Variants in RALGPS1 observed in about 807,000 individuals in gnomAD.
RALGPS1 encodes the protein Ral GEF with PH domain and SH3 binding motif 1, also known as ras-specific guanine nucleotide-releasing factor RalGPS1.
A neutral mutation model predicts 78.8 loss-of-function variants in RALGPS1; 19 were observed. The observed-to-expected ratio is 0.24, with a 90% CI of 0.17 to 0.35. RALGPS1 has a LOEUF of 0.35. Ranked by LOEUF, RALGPS1 falls within the 10% of genes least tolerant of loss-of-function variation. The pLI, the probability that RALGPS1 is intolerant of heterozygous loss-of-function variation, is 1.00. For synonymous variants in RALGPS1, 228 were observed against 256.3 expected (o/e 0.89, Z 1.06); for missense variants, 454 against 688.3 (o/e 0.66, Z 3.81).
chr9:127,211,386 A>T lies in RALGPS1; in HGVS notation c.1248-745A>T, dbSNP rs61567036. 6.6e-6 allele frequency among the ~76,000 whole-genome samples: 1 copy of T among 152,134 alleles called. No homozygotes were observed. Among genetic ancestry groups the T allele is most frequent in the African/African-American group, 2.4e-5 (1 of 41,406 alleles). On this transcript the variant is annotated intron_variant, in intron 14 of 18. Transcript: ENST00000259351. This position sits in a 1 kb window ranked among gnomAD's most constrained non-coding sequence, Gnocchi z 5.0. ...GTCCAGTGGCCTGAGGTGTAGTGGG[A>T]TGGCGAAGATGGATGGTCAGACATA...
chr9:127,123,485 C>G (rs990758002), intron 8 of RALGPS1, among the ~76,000 whole-genome samples: 1 of 152,178 alleles, frequency 6.6e-6, no homozygotes, highest in African/African-American at 2.4e-5. Context: ...TCAAGGACGC[C>G]TCCTTGAACT....
intron 7 of RALGPS1, among the ~76,000 whole-genome samples, chr9:127,064,408 A>G (rs1419152685): frequency 1.3e-5 from 2 of 152,224 alleles, no homozygotes; most frequent in African/African-American, 2.4e-5. Context: ...AACAAACCCT[A>G]TATTTAAAAA....
chr9:126,964,506 G>A (rs1412353265), intron 2 of RALGPS1, among the ~76,000 whole-genome samples: 1 of 152,082 alleles, frequency 6.6e-6, no homozygotes, highest in African/African-American at 2.4e-5. Flanking sequence ...CTGGGAAGTA[G>A]GTTTAATATC....
chr9:127,030,918 A>AC (rs543046009), intron 4 of RALGPS1, among the ~76,000 whole-genome samples: 31 of 152,320 alleles, frequency 2.0e-4, no homozygotes, highest in Middle Eastern at 6.8e-3. Context: ...AGCCTGAGGA[A>AC]CACCCTGGTG....
At chr9:127,210,412 T>TA in intron 14 of RALGPS1, 1 of 470,356 alleles carries the variant, frequency 2.1e-6, no homozygotes, top group Non-Finnish European at 3.9e-6. Context: ...GCCTGGATTT[T>TA]AATCATGCTC....
chr9:126,989,840 A>G (rs1290814966), intron 4 of RALGPS1: 12 of 1,544,168 alleles, frequency 7.8e-6, no homozygotes, highest in Non-Finnish European at 1.0e-5. Context: ...CTGGAGCTCG[A>G]GACCTTGAGC....
At chr9:127,155,705 G>A (rs2058670918) in intron 8 of RALGPS1, among the ~76,000 whole-genome samples, 1 of 152,186 alleles carries the variant, frequency 6.6e-6, no homozygotes, top group Admixed American at 6.5e-5. Context: ...GAGAGCAAAA[G>A]CAGGGAGATG....
At chr9:126,922,946 T>C (rs111683216) in intron 1 of RALGPS1, among the ~76,000 whole-genome samples, 1 of 152,208 alleles carries the variant, frequency 6.6e-6, no homozygotes, top group African/African-American at 2.4e-5. Context: ...TCTAGGGTAA[T>C]TGCTGGATAT....
At chr9:127,177,549 C>G (rs1325071118) in intron 11 of RALGPS1, among the ~76,000 whole-genome samples, 1 of 150,954 alleles carries the variant, frequency 6.6e-6, no homozygotes, top group Non-Finnish European at 1.5e-5. Flanking sequence ...AGGGCCCTGC[C>G]TCAGCCTCAG....
At chr9:127,054,988 A>AGATT (rs1343703008) in intron 7 of RALGPS1, among the ~76,000 whole-genome samples, 1 of 133,130 alleles carries the variant, frequency 7.5e-6, no homozygotes, top group South Asian at 2.7e-4. Context: ...AAAGAGAGAG[A>AGATT]GATTGATTGA....
At chr9:127,187,345 G>C (rs967734236) in intron 11 of RALGPS1, among the ~76,000 whole-genome samples, 1 of 152,070 alleles carries the variant, frequency 6.6e-6, no homozygotes, top group Non-Finnish European at 1.5e-5. Context: ...GTTCTGACCA[G>C]CGCCTGACCT....
In RALGPS1 at chr9:127,211,150, A is replaced by C. The variant is rs2062229418; in HGVS notation, c.1248-981A>C. ...AAGGGAGTGTTGGAAGGAATGAGAG[A>C]GGGCAGGGACATGAGATGAGCTGGA... is the stretch of plus-strand genomic sequence containing the variant. On this transcript the variant is annotated intron_variant, in intron 14 of 18. Coordinates refer to ENST00000259351, the MANE Select transcript of RALGPS1 (RefSeq NM_014636.3). The surrounding 1 kb of genome is among the most constrained non-coding windows in gnomAD (Gnocchi z 5.0). Among the ~76,000 whole-genome samples, 1 of 152,160 alleles carries C rather than the reference A, an allele frequency of 6.6e-6. No homozygotes were observed. Among genetic ancestry groups the C allele is most frequent in the African/African-American group, 2.4e-5 (1 of 41,440 alleles).
chr9:127,150,952 G>C (rs1014737605), intron 8 of RALGPS1, among the ~76,000 whole-genome samples: 1 of 152,182 alleles, frequency 6.6e-6, no homozygotes, highest in African/African-American at 2.4e-5. Context: ...GGGAGACCGA[G>C]GCGGGCGGAT....
intron 8 of RALGPS1, among the ~76,000 whole-genome samples, chr9:127,075,356 A>G (rs1212208484): frequency 6.6e-6 from 1 of 152,186 alleles, no homozygotes; most frequent in African/African-American, 2.4e-5. Context: ...TGTTCTTGGG[A>G]TAGTGTATGA....
intron 8 of RALGPS1, chr9:127,108,692 G>C: frequency 1.2e-6 from 2 of 1,613,038 alleles, no homozygotes; most frequent in Non-Finnish European, 1.7e-6. Context: ...ATGGCAGCCA[G>C]CAGTCCGAGC....
rs541556916 is a variant in RALGPS1 at position 127,139,218 on chromosome 9, A to G, written c.611-26851A>G. Among the ~76,000 whole-genome samples the G allele has an allele frequency of 2.0e-5, 3 of 152,300 alleles. No homozygotes were observed. The South Asian group carries it at 6.2e-4, about 32-fold the overall frequency. The stretch of plus-strand genomic sequence containing the variant: ...TGACACACGGCAGACCTAGTGAGGT[A>G]TGAGTTGACAAGTCACCCATGTTCC... On this transcript the variant is annotated intron_variant, in intron 8 of 18. Transcript: ENST00000259351.
At chr9:126,976,773 C>T (rs913434316) in intron 3 of RALGPS1, among the ~76,000 whole-genome samples, 2 of 152,136 alleles carry the variant, frequency 1.3e-5, no homozygotes, top group Non-Finnish European at 2.9e-5. Flanking sequence ...CTCTCCCTGG[C>T]GTGTCACAGA....
chr9:127,135,166 G>T (rs1473149339), intron 8 of RALGPS1, among the ~76,000 whole-genome samples: 1 of 152,206 alleles, frequency 6.6e-6, no homozygotes, highest in East Asian at 1.9e-4. Flanking sequence ...AGATTGACAC[G>T]TAGCCCCTGG....
At chr9:126,916,638 C>T (rs997186296) in intron 1 of RALGPS1, among the ~76,000 whole-genome samples, 3 of 152,106 alleles carry the variant, frequency 2.0e-5, no homozygotes, top group African/African-American at 7.2e-5. Flanking sequence ...AAAAGTCAGC[C>T]GGGCATGGTG....
Sources: gnomAD v4.1 joint callset for allele counts (sites outside exome capture counted in the v4.1 genomes callset) on GRCh38, gnomAD v4.1.1 for gene constraint, Gnocchi (gnomAD v3.1) non-coding constraint, MANE v1.5 for transcripts, NCBI Gene and HGNC (gene_info 2026-07-23, HGNC 2026-07-21) for gene names.